The following AHRR variants were observed in gnomAD, a reference collection of about 807,000 sequenced individuals.
The protein encoded by AHRR is aryl hydrocarbon receptor repressor, also known as ahR repressor.
AHRR carries 28 observed loss-of-function variants against 44.0 expected under a neutral mutation model. The observed-to-expected ratio is 0.64, with a 90% confidence interval of 0.47 to 0.87. The LOEUF is 0.87. AHRR is among the 40% of genes least tolerant of loss of function. The probability of loss-of-function intolerance (pLI) is 0.00; values close to 1 mark genes in which losing one functional copy is unlikely to be tolerated. For synonymous variants in AHRR, 434 were observed against 407.0 expected, an observed-to-expected ratio of 1.07 and a Z score of -0.80; for missense variants, 990 against 953.9, an observed-to-expected ratio of 1.04 and a Z score of -0.50.
chr5:427,896 G>C lies in AHRR; in HGVS notation c.798G>C (p.Leu266=), dbSNP rs370055582. ...CCATGCTCCCGCCGCGGCTGTCGCT[G>C]TTCTGCATTGCGGCACCCGTTCTCC... ...SGAMLPPRLS[L]FCIAAPVLLP... The change falls in exon 8 of 11, where the codon CTG becomes CTC. Residue 266 remains leucine, a synonymous_variant. Coordinates refer to ENST00000684583, the MANE Select transcript of AHRR (RefSeq NM_001377236.1). 4.6e-5 allele frequency: 74 copies of C among 1,614,158 alleles called. No individual in the cohort carries two copies. The African/African-American group carries it at 6.9e-4, about 15-fold the overall frequency.
intron 4 of AHRR, 61 bp from the exon 5 acceptor site, chr5:413,283 G>A (rs890188126): frequency 1.7e-6 from 2 of 1,209,472 alleles, no homozygotes; most frequent in East Asian, 4.7e-5. Flanking sequence ...AAGGATTCTT[G>A]CACTTTTTCA....
At chr5:328,471 C>T (rs1300523014) in intron 1 of AHRR, among the ~76,000 whole-genome samples, 1 of 151,794 alleles carries the variant, frequency 6.6e-6, no homozygotes, top group Non-Finnish European at 1.5e-5. Context: ...GGCTGGTCTC[C>T]AACCCCTGAC....
intron 1 of AHRR, among the ~76,000 whole-genome samples, chr5:333,577 C>G (rs949197309): frequency 2.6e-5 from 4 of 152,100 alleles, no homozygotes; most frequent in Admixed American, 6.6e-5. Context: ...GCCTGGGTGA[C>G]AGAGTGAGAC....
At chr5:418,011 A>G (rs868808408) in intron 5 of AHRR, among the ~76,000 whole-genome samples, 24 of 152,216 alleles carry the variant, frequency 1.6e-4, no homozygotes, top group African/African-American at 4.8e-4. Flanking sequence ...TGTTGATTCA[A>G]TAAGTTGTTC....
chr5:344,139 C>T (rs2126364189), intron 2 of AHRR, among the ~76,000 whole-genome samples, 175 bp downstream of exon 2: 1 of 151,526 alleles, frequency 6.6e-6, no homozygotes, highest in East Asian at 2.0e-4. Context: ...CCCCGCAGCG[C>T]CCCGGTGCCC....
chr5:394,008 A>G (rs147107051), intron 4 of AHRR, among the ~76,000 whole-genome samples: 6 of 152,308 alleles, frequency 3.9e-5, no homozygotes, highest in Admixed American at 6.5e-5. Flanking sequence ...GAGGTCTCTC[A>G]TCTTTGGTTC....
chr5:415,407 G>T (rs2721002), intron 5 of AHRR, among the ~76,000 whole-genome samples: 6,315 of 88,652 alleles, frequency 0.071, 57 homozygotes, highest in Non-Finnish European at 0.11. Flanking sequence ...CTGCCTGGTC[G>T]GGTGGGAGGC....
At position 326,627 on chromosome 5, in the gene AHRR, T is replaced by C. The variant is rs76456017; in HGVS notation, c.-11+4808T>C. Among the ~76,000 whole-genome samples, 1 of 152,280 alleles carries C rather than the reference T, an allele frequency of 6.6e-6. No homozygotes were observed. The highest frequency in any genetic ancestry group is 1.9e-4 in the East Asian group (1 of 5,188). On this transcript the variant is annotated intron_variant, in intron 1 of 10. Coordinates refer to ENST00000684583, the MANE Select transcript of AHRR (RefSeq NM_001377236.1). This position sits in a 1 kb window ranked among gnomAD's most constrained non-coding sequence, Gnocchi z 4.1. ...GGAGTGGAGTTACTGGATCATATAG[T>C]GATTCTGTGTTTAACTTTTTGAGGA...
In AHRR at chr5:411,487, T is replaced by C. The variant is rs879545729; in HGVS notation, c.352-1857T>C. On this transcript the variant is annotated intron_variant, in intron 4 of 10. Coordinates refer to ENST00000684583, the MANE Select transcript of AHRR (RefSeq NM_001377236.1). The surrounding 1 kb of genome is among the most constrained non-coding windows in gnomAD (Gnocchi z 4.2). ...CCAGTATTTCAAAAGCTCTTAGAAA[T>C]TGATACTTATAAACCCTAATAGAAA... is the stretch of plus-strand genomic sequence containing the variant. Among the ~76,000 whole-genome samples the C allele has an allele frequency of 2.0e-5, 3 of 152,080 alleles. No individual in the cohort carries two copies. The highest frequency in any genetic ancestry group is 2.0e-4 in the Admixed American group (3 of 15,266).
intron 7 of AHRR, among the ~76,000 whole-genome samples, chr5:426,660 T>C (rs1029228449): frequency 6.7e-6 from 1 of 148,260 alleles, no homozygotes; most frequent in Non-Finnish European, 1.5e-5. Context: ...GAAAGATGGA[T>C]GGGTGGATGG....
intron 5 of AHRR, among the ~76,000 whole-genome samples, chr5:414,443 A>C (rs1240978811): frequency 1.3e-5 from 2 of 152,118 alleles, no homozygotes; most frequent in Non-Finnish European, 2.9e-5. Flanking sequence ...GGCGTACTGC[A>C]GACTGATAGA....
rs1735267712 is a variant in AHRR at position 406,550 on chromosome 5, A to T, written c.352-6794A>T. On this transcript the variant is annotated intron_variant, in intron 4 of 10. Transcript: ENST00000684583. This position sits in a 1 kb window ranked among gnomAD's most constrained non-coding sequence, Gnocchi z 4.7. The stretch of plus-strand genomic sequence containing the variant: ...GGAAATTTCAGGAAAACGTTAAGAA[A>T]CAGAAAATACTCAAGCTGGTTAGGC... 6.6e-6 allele frequency among the ~76,000 whole-genome samples: 1 copy of T among 152,256 alleles called. No individual in the cohort carries two copies. The highest frequency in any genetic ancestry group is 6.5e-5 in the Admixed American group (1 of 15,284).
At chr5:433,393 AC>A (rs1736831402) in intron 10 of AHRR, among the ~76,000 whole-genome samples, 1 of 151,822 alleles carries the variant, frequency 6.6e-6, no homozygotes, top group African/African-American at 2.4e-5. Flanking sequence ...TCTCCAGGTC[AC>A]CATCTCACAG....
At chr5:325,238 G>A (rs779355373) in intron 1 of AHRR, among the ~76,000 whole-genome samples, 1 of 152,208 alleles carries the variant, frequency 6.6e-6, no homozygotes, top group Non-Finnish European at 1.5e-5. Flanking sequence ...ATTTGGGGAC[G>A]AGGGTTGGTC....
rs1268798334 is a variant in AHRR at position 432,969 on chromosome 5, C to T, written c.1112+22C>T. ...CAGGGTAAGTGGTGCCAGGCAGCCT[C>T]CCCCAGCCCTGGCAGCTCCCTAAGT... On this transcript the variant is annotated intron_variant, in intron 10 of 10. Coordinates refer to ENST00000684583, the MANE Select transcript of AHRR (RefSeq NM_001377236.1). The T allele has an allele frequency of 8.9e-6, 14 of 1,564,734 alleles. No individual in the cohort carries two copies. The Admixed American group carries it at 2.1e-4, about 23-fold the overall frequency.
intron 5 of AHRR, among the ~76,000 whole-genome samples, chr5:415,632 AATCT>A (rs1379662974): frequency 2.8e-5 from 4 of 145,374 alleles, no homozygotes; most frequent in Middle Eastern, 3.8e-3. Context: ...CTAGGGGCCG[AATCT>A]GCCTGGTGGG....
At chr5:322,955 G>A (rs187851905) in intron 1 of AHRR, among the ~76,000 whole-genome samples, 7 of 152,386 alleles carry the variant, frequency 4.6e-5, no homozygotes, top group African/African-American at 1.7e-4. Flanking sequence ...ACGGGAGAAA[G>A]GTTCTTAGAA....
chr5:414,892 C>T (rs1189329765), intron 5 of AHRR, among the ~76,000 whole-genome samples: 7 of 152,198 alleles, frequency 4.6e-5, no homozygotes, highest in Non-Finnish European at 7.3e-5. Flanking sequence ...CCAGTAGCAC[C>T]GGCTCAGCAA....
intron 2 of AHRR, among the ~76,000 whole-genome samples, chr5:349,496 C>T (rs1398942730): frequency 6.6e-6 from 1 of 151,286 alleles, no homozygotes; most frequent in Non-Finnish European, 1.5e-5. Flanking sequence ...AGGAGAATGG[C>T]GTGAACTCCG....
Sources: gnomAD v4.1 joint callset for allele counts (sites outside exome capture counted in the v4.1 genomes callset) on GRCh38, gnomAD v4.1.1 for gene constraint, Gnocchi (gnomAD v3.1) non-coding constraint, MANE v1.5 for transcripts, NCBI Gene and HGNC (gene_info 2026-07-23, HGNC 2026-07-21) for gene names.